TRIML2: variants seen among roughly 807,000 people sequenced by gnomAD.
The protein encoded by TRIML2 is tripartite motif family like 2, also known as probable E3 ubiquitin-protein ligase TRIML2.
Under a neutral mutation model 31.2 loss-of-function variants are expected in TRIML2, and 28 were observed. The ratio of observed to expected loss-of-function variants is 0.90; its 90% CI spans 0.66 to 1.23. The LOEUF is 1.23. Among genes scored for constraint, TRIML2 ranks in the 50% most tolerant of loss-of-function variants. The pLI, the probability that TRIML2 is intolerant of heterozygous loss-of-function variation, is 0.00. For missense variants in TRIML2, 536 were observed against 528.3 expected, an observed-to-expected ratio of 1.01 and a Z score of -0.14; for synonymous variants, 187 against 197.5, an observed-to-expected ratio of 0.95 and a Z score of 0.45.
At chr4:188,092,461 AAAAC>A (rs138651647) in intron 7 of TRIML2, among the ~76,000 whole-genome samples, 41,941 of 149,754 alleles carry the variant, frequency 0.28, 5,901 homozygotes, top group Admixed American at 0.32. Context: ...ACTCCATCTC[AAAAC>A]AAACAAACAA....
intron 7 of TRIML2, among the ~76,000 whole-genome samples, chr4:188,096,250 A>T (rs1733504420): frequency 7.3e-6 from 1 of 136,246 alleles, no homozygotes; most frequent in African/African-American, 2.8e-5. Flanking sequence ...AATACAAAAA[A>T]TTAGCCAGGC....
intron 5 of TRIML2, chr4:188,098,285 A>G: frequency 2.2e-6 from 1 of 453,586 alleles, no homozygotes; most frequent in South Asian, 1.6e-5. Context: ...AGGCACTGGC[A>G]GATTCAGTGT....
intron 7 of TRIML2, among the ~76,000 whole-genome samples, chr4:188,095,867 A>T (rs922459170): frequency 6.6e-6 from 1 of 152,232 alleles, no homozygotes; most frequent in African/African-American, 2.4e-5. Context: ...AATAAAAAGG[A>T]ACAAACTACT....
At chr4:188,093,009 C>T (rs549914577) in intron 7 of TRIML2, 75 of 383,744 alleles carry the variant, frequency 2.0e-4, no homozygotes, top group South Asian at 7.4e-4. Context: ...GTTTGTGACT[C>T]GCTCCATAAA....
rs1553995259 is a variant in TRIML2, at chr4:188,098,123, G to GGA, written c.622-778_622-777insTC. The GGA allele has an allele frequency of 6.0e-3, 1,255 of 209,268 alleles. 2 individuals are homozygous for GGA. Among genetic ancestry groups the GGA allele is most frequent in the East Asian group, 0.043 (294 of 6,770 alleles). 13.0% of individuals were successfully genotyped at this position (209,268 alleles called of 1,614,324 possible). Reference sequence around the variant, plus strand: ...AGATAGAGCGAGACTCCGTCTCGGGGAAAAAAAAAAAAAAAAAGGTAACCC... The same window carrying GGA: ...AGATAGAGCGAGACTCCGTCTCGGGGGAAAAAAAAAAAAAAAAAAGGTAACCC... On this transcript the variant is annotated intron_variant, in intron 5 of 7. Coordinates refer to ENST00000682553, the MANE Select transcript of TRIML2 (RefSeq NM_173553.4).
At chr4:188,098,246 G>A (rs779553859) in intron 5 of TRIML2, 50 of 455,252 alleles carry the variant, frequency 1.1e-4, no homozygotes, top group South Asian at 3.9e-4. Context: ...TTCATTTCTC[G>A]CAGTTCTGGA....
intron 3 of TRIML2, among the ~76,000 whole-genome samples, chr4:188,102,027 G>T (rs1733816555): frequency 6.6e-6 from 1 of 151,506 alleles, no homozygotes; most frequent in Non-Finnish European, 1.5e-5. Context: ...CTACTCGGGA[G>T]GCTGAGGCAG....
At chr4:188,092,054 G>C in intron 7 of TRIML2, 113 bp from the exon 8 acceptor site, 1 of 1,092,498 alleles carries the variant, frequency 9.2e-7, no homozygotes, top group African/African-American at 1.6e-5. Flanking sequence ...CCCAGGCCCA[G>C]ATACGGGAGA....
intron 6 of TRIML2, 74 bp from the exon 7 acceptor site, chr4:188,097,235 A>G: frequency 6.3e-7 from 1 of 1,594,612 alleles, no homozygotes. Context: ...ATCCCATTAC[A>G]TCCTACCAGC....
At chr4:188,099,262 A>C in intron 4 of TRIML2, 87 bp from the exon 5 acceptor site, 1 of 1,482,054 alleles carries the variant, frequency 6.7e-7, no homozygotes, top group Non-Finnish European at 9.0e-7. Context: ...TAATTCAACC[A>C]TGTTTTTAAA....
chr4:188,099,287 T>G (rs1392810605), intron 4 of TRIML2, 112 bp from the exon 5 acceptor site: 1 of 1,370,908 alleles, frequency 7.3e-7, no homozygotes, highest in Non-Finnish European at 9.9e-7. Context: ...TGCTTTTCGG[T>G]TGGGCGCAGT....
At chr4:188,101,494 G>A (rs900561020) in intron 3 of TRIML2, among the ~76,000 whole-genome samples, 2 of 151,784 alleles carry the variant, frequency 1.3e-5, no homozygotes, top group African/African-American at 4.8e-5. Context: ...AGGAGATCGA[G>A]ACCATACTGG....
At chr4:188,106,424 T>C (rs970604342) in intron 1 of TRIML2, 1 of 152,266 alleles carries the variant, frequency 6.6e-6, no homozygotes, top group African/African-American at 2.4e-5. Context: ...CTCTTCTCAA[T>C]AATTGTTTCC....
chr4:188,092,461 AAAACAAAC>A (rs138651647), intron 7 of TRIML2, among the ~76,000 whole-genome samples: 90 of 149,910 alleles, frequency 6.0e-4, no homozygotes, highest in African/African-American at 1.4e-3. Context: ...ACTCCATCTC[AAAACAAAC>A]AAACAAACAA....
chr4:188,096,813 C>A (rs893790125), intron 7 of TRIML2, among the ~76,000 whole-genome samples: 9 of 151,870 alleles, frequency 5.9e-5, no homozygotes, highest in Admixed American at 4.6e-4. Flanking sequence ...CACGCCACCA[C>A]AACTGGCTAA....
intron 3 of TRIML2, among the ~76,000 whole-genome samples, chr4:188,103,049 G>C (rs891484891): frequency 8.7e-6 from 1 of 115,540 alleles, no homozygotes; most frequent in Non-Finnish European, 1.6e-5. Flanking sequence ...GTCTCGCTCT[G>C]TCGCCCAGGC....
chr4:188,104,764 G>T, intron 3 of TRIML2, 73 bp downstream of exon 3: 1 of 1,239,808 alleles, frequency 8.1e-7, no homozygotes, highest in Non-Finnish European at 1.2e-6. Flanking sequence ...TTTTGACTTT[G>T]TTTATGATAC....
At chr4:188,093,364 A>G (rs926567083) in intron 7 of TRIML2, among the ~76,000 whole-genome samples, 1 of 152,154 alleles carries the variant, frequency 6.6e-6, no homozygotes, top group African/African-American at 2.4e-5. Flanking sequence ...AACAAATGCA[A>G]ATTATCTCTG....
chr4:188,095,422 C>T (rs1041009653), intron 7 of TRIML2, among the ~76,000 whole-genome samples: 35 of 152,170 alleles, frequency 2.3e-4, no homozygotes, highest in African/African-American at 8.4e-4. Context: ...TTATAAAACT[C>T]AAGAGACATA....
Sources: allele counts gnomAD v4.1 joint callset (sites outside exome capture counted in the v4.1 genomes callset), GRCh38; gene constraint gnomAD v4.1.1; transcripts MANE v1.5; gene names NCBI Gene and HGNC (gene_info 2026-07-23, HGNC 2026-07-21).